GBE1: variants seen among roughly 807,000 people sequenced by gnomAD.
GBE1 encodes 1,4-alpha-glucan branching enzyme 1.
GBE1 carries 70 observed loss-of-function variants against 88.8 expected under a neutral mutation model. That is an observed-to-expected ratio of 0.79 (90% CI 0.65 to 0.96). The LOEUF (loss-of-function observed/expected upper bound fraction) is 0.96. Among genes scored for constraint, GBE1 ranks in the 40% least tolerant of loss-of-function variants. The pLI, the probability that GBE1 is intolerant of heterozygous loss-of-function variation, is 0.00. For missense variants in GBE1, 872 were observed against 871.0 expected (o/e 1.00, Z -0.01); for synonymous variants, 284 against 300.1 (o/e 0.95, Z 0.56).
intron 1 of GBE1, among the ~76,000 whole-genome samples, chr3:81,728,341 G>A (rs1273067977): frequency 6.6e-6 from 1 of 152,116 alleles, no homozygotes; most frequent in African/African-American, 2.4e-5. Context: ...AAGGCATAAG[G>A]AGGAACTATA....
chr3:81,630,662 C>T (rs756847651), intron 7 of GBE1, among the ~76,000 whole-genome samples: 10 of 152,140 alleles, frequency 6.6e-5, no homozygotes, highest in Admixed American at 1.3e-4. Flanking sequence ...AAATTAACAT[C>T]CAAATTGAGA....
intron 1 of GBE1, chr3:81,743,419 C>T: frequency 1.7e-6 from 1 of 588,380 alleles, no homozygotes; most frequent in Non-Finnish European, 3.0e-6. Flanking sequence ...ACACAAGGCA[C>T]ACACACAATC....
intron 1 of GBE1, among the ~76,000 whole-genome samples, chr3:81,747,788 C>T (rs1706438097): frequency 6.6e-6 from 1 of 152,294 alleles, no homozygotes; most frequent in Admixed American, 6.5e-5. Context: ...TTGTGACCCC[C>T]GCCCCTGCCC....
chr3:81,634,432 A>G (rs1704562602), intron 7 of GBE1, among the ~76,000 whole-genome samples: 1 of 152,188 alleles, frequency 6.6e-6, no homozygotes, highest in Admixed American at 6.5e-5. Flanking sequence ...TTAATTCTAT[A>G]TAGTATACAT....
intron 12 of GBE1, among the ~76,000 whole-genome samples, chr3:81,577,623 A>T (rs1703665599): frequency 6.6e-6 from 1 of 152,144 alleles, no homozygotes; most frequent in African/African-American, 2.4e-5. Flanking sequence ...TAACAATAAA[A>T]TTAACTCAGA....
intron 7 of GBE1, among the ~76,000 whole-genome samples, chr3:81,607,761 C>G (rs1319035942): frequency 2.0e-5 from 3 of 152,122 alleles, no homozygotes; most frequent in African/African-American, 7.2e-5. Flanking sequence ...TCTAAAATGT[C>G]ATCCATTATG....
At position 81,490,233 on chromosome 3, in the gene GBE1, T is replaced by C. The variant is rs1339811045; in HGVS notation, c.*174A>G. The C allele has an allele frequency of 1.2e-5, 7 of 595,382 alleles. No individual in the cohort carries two copies. The highest frequency in any genetic ancestry group is 2.9e-5 in the East Asian group (1 of 34,060). 36.9% of individuals were successfully genotyped at this position (595,382 alleles called of 1,614,324 possible). A position where few individuals can be genotyped will look rare whatever the true frequency, so the allele number is the denominator to read the frequency against. ...CTAATATTTTAAACATATTCTCCCA[T>C]CTACTTAAATAAAAGTTTGCTGTAT... On this transcript the variant is annotated 3_prime_UTR_variant, in exon 16 of 16. Coordinates refer to ENST00000429644, the MANE Select transcript of GBE1 (RefSeq NM_000158.4).
In GBE1 at chr3:81,702,098, AGAGAGTGTGTGTGTGT is replaced by A. The variant is rs1166863282; in HGVS notation, c.313+3330_313+3345del. ...AGAATCCCTGGAGAGAGAGAGAGAGAGAGAGTGTGTGTGTGTGTGTGTGTGTGTGTGTGTGTGTGTG... is the reference window on the plus strand; with the variant it reads ...AGAATCCCTGGAGAGAGAGAGAGAGAGTGTGTGTGTGTGTGTGTGTGTGTG... On this transcript the variant is annotated intron_variant, in intron 2 of 15. Transcript: ENST00000429644. Among the ~76,000 whole-genome samples, 35 of 40,786 alleles carry A rather than the reference AGAGAGTGTGTGTGTGT, an allele frequency of 8.6e-4. 1 individual carries two copies. The South Asian group carries it at 0.013, about 15-fold the overall frequency. 26.8% of individuals were successfully genotyped at this position (40,786 alleles called of 152,430 possible).
intron 1 of GBE1, among the ~76,000 whole-genome samples, chr3:81,718,090 C>A (rs1705966548): frequency 6.6e-6 from 1 of 151,978 alleles, no homozygotes; most frequent in Non-Finnish European, 1.5e-5. Context: ...GGCGAATCTC[C>A]TGACTCAACC....
chr3:81,514,080 T>A (rs1299693698), intron 14 of GBE1, among the ~76,000 whole-genome samples: 1 of 151,690 alleles, frequency 6.6e-6, no homozygotes, highest in Non-Finnish European at 1.5e-5. Context: ...AAGAAAATAA[T>A]GTTTCAGAAT....
At chr3:81,587,195 TAATC>T (rs2106946807) in intron 9 of GBE1, among the ~76,000 whole-genome samples, 1 of 152,244 alleles carries the variant, frequency 6.6e-6, no homozygotes, top group South Asian at 2.1e-4. Context: ...ATCCAATAAT[TAATC>T]AAATAAATAA....
intron 1 of GBE1, among the ~76,000 whole-genome samples, chr3:81,737,590 T>C (rs999566381): frequency 1.3e-5 from 2 of 151,124 alleles, no homozygotes; most frequent in African/African-American, 4.9e-5. Context: ...TTAGAGACTT[T>C]TATAGCAGTT....
chr3:81,711,587 T>G (rs2107176983), intron 1 of GBE1, among the ~76,000 whole-genome samples: 1 of 152,296 alleles, frequency 6.6e-6, no homozygotes, highest in South Asian at 2.1e-4. Flanking sequence ...ACCATGCTGC[T>G]TTGGTTAGTG....
At chr3:81,545,812 C>A (rs1014809448) in intron 12 of GBE1, among the ~76,000 whole-genome samples, 1 of 152,046 alleles carries the variant, frequency 6.6e-6, no homozygotes, top group Non-Finnish European at 1.5e-5. Context: ...AATCTTGTGA[C>A]GTCCTCCTGC....
At chr3:81,521,219 G>T (rs1176889387) in intron 14 of GBE1, among the ~76,000 whole-genome samples, 1 of 151,534 alleles carries the variant, frequency 6.6e-6, no homozygotes. Flanking sequence ...CTATAGCAGG[G>T]TTATATTTCC....
intron 10 of GBE1, among the ~76,000 whole-genome samples, chr3:81,583,970 T>C (rs984435922): frequency 1.3e-5 from 2 of 152,042 alleles, no homozygotes; most frequent in African/African-American, 2.4e-5. Context: ...TCTACAATTA[T>C]CCTAATATCT....
chr3:81,737,939 TC>T (rs1231738641), intron 1 of GBE1, among the ~76,000 whole-genome samples: 3 of 152,000 alleles, frequency 2.0e-5, no homozygotes, highest in Non-Finnish European at 4.4e-5. Context: ...AGTGTGATGT[TC>T]CCCCTCCTGT....
At chr3:81,638,217 A>G (rs929024607) in intron 7 of GBE1, among the ~76,000 whole-genome samples, 3 of 152,274 alleles carry the variant, frequency 2.0e-5, no homozygotes, top group South Asian at 2.1e-4. Context: ...AAAAGAGAGT[A>G]TCTTTTAGCC....
intron 14 of GBE1, among the ~76,000 whole-genome samples, chr3:81,513,565 C>CT (rs1250626947): frequency 8.7e-5 from 13 of 149,744 alleles, no homozygotes; most frequent in African/African-American, 2.9e-4. Flanking sequence ...TGTTTTGTTC[C>CT]CCCAAAAAAA....
Sources: gnomAD v4.1 joint callset for allele counts (sites outside exome capture counted in the v4.1 genomes callset) on GRCh38, gnomAD v4.1.1 for gene constraint, MANE v1.5 for transcripts, NCBI Gene and HGNC (gene_info 2026-07-23, HGNC 2026-07-21) for gene names.